RBFOX3: variants seen among roughly 807,000 people sequenced by gnomAD.
RBFOX3 encodes RNA binding protein fox-1 homolog 3.
A neutral mutation model predicts 48.7 loss-of-function variants in RBFOX3; 17 were observed. The ratio of observed to expected loss-of-function variants is 0.35; its 90% CI spans 0.24 to 0.52. RBFOX3 has a LOEUF of 0.52. Among genes scored for constraint, RBFOX3 ranks in the 20% least tolerant of loss-of-function variants. The pLI is 0.94. For synonymous variants in RBFOX3, 212 were observed against 209.5 expected, an observed-to-expected ratio of 1.01 and a Z score of -0.10; for missense variants, 382 against 497.5, an observed-to-expected ratio of 0.77 and a Z score of 2.21.
At chr17:79,441,578 C>T (rs1438799131) in intron 2 of RBFOX3, among the ~76,000 whole-genome samples, 2 of 152,194 alleles carry the variant, frequency 1.3e-5, no homozygotes, top group African/African-American at 4.8e-5. Context: ...GACAGATTTT[C>T]CCTCCAAGCC....
At chr17:79,369,368 C>T (rs906219910) in intron 2 of RBFOX3, among the ~76,000 whole-genome samples, 5 of 152,240 alleles carry the variant, frequency 3.3e-5, no homozygotes, top group African/African-American at 1.2e-4. Context: ...AGGGGTTGCC[C>T]TGGACCCTGA....
At position 79,199,499 on chromosome 17, in the gene RBFOX3, T is replaced by C. The variant is rs950616457; in HGVS notation, c.-34+36267A>G. ...GAGGAAGAGGAGAAGGCCAGCCATC[T>C]GGATGGCCTGAACCCAGTCACTGAC... On this transcript the variant is annotated intron_variant, in intron 4 of 14. Transcript: ENST00000693108. The surrounding 1 kb of genome is among the most constrained non-coding windows in gnomAD (Gnocchi z 5.1). Among the ~76,000 whole-genome samples the C allele has an allele frequency of 1.3e-5, 2 of 152,322 alleles. No individual in the cohort carries two copies. Among genetic ancestry groups the C allele is most frequent in the African/African-American group, 2.4e-5 (1 of 41,580 alleles).
intron 2 of RBFOX3, among the ~76,000 whole-genome samples, chr17:79,357,547 C>G (rs903458036): frequency 2.0e-5 from 3 of 152,158 alleles, no homozygotes; most frequent in Non-Finnish European, 4.4e-5. Flanking sequence ...AGGAGGATCA[C>G]TTGAACCCAG....
chr17:79,308,156 C>T (rs1012790218), intron 2 of RBFOX3, among the ~76,000 whole-genome samples: 14 of 152,100 alleles, frequency 9.2e-5, no homozygotes, highest in African/African-American at 2.2e-4. Context: ...TTTGGACTGA[C>T]GGGGGAATGG....
At chr17:79,415,247 T>C (rs148003399) in intron 2 of RBFOX3, among the ~76,000 whole-genome samples, 112 of 152,166 alleles carry the variant, frequency 7.4e-4, no homozygotes, top group African/African-American at 2.6e-3. Context: ...CCCAGATGAG[T>C]TCCAAAGAGC....
intron 1 of RBFOX3, among the ~76,000 whole-genome samples, chr17:79,560,837 C>T (rs1384475653): frequency 2.0e-5 from 3 of 152,206 alleles, no homozygotes; most frequent in African/African-American, 4.8e-5. Flanking sequence ...ACTTCACCTG[C>T]GTCCTCTCCT....
At chr17:79,643,231 G>A in the RBFOX3 span, among the ~76,000 whole-genome samples, 5 of 152,134 alleles carry the variant, frequency 3.3e-5, no homozygotes, top group African/African-American at 7.2e-5. Context: ...GTAACATCAC[G>A]TAATATTAAA....
Position 79,095,563 on chromosome 17 carries a change from T to C in RBFOX3, c.948A>G (p.Ala316=). ...FYGAEIYGGY[A]AYRYAQPAAA... ...CAGCGGGCTGAGCGTATCTGTAGGC[T>C]GCGTAGCCTCCCTGCAGGGTAAGTG... The change falls in exon 13 of 15, where the codon GCA becomes GCG. Residue 316 remains alanine (A), a synonymous_variant. Transcript: ENST00000693108. 1 of 1,551,296 alleles carries C rather than the reference T, an allele frequency of 6.4e-7. No homozygotes were observed. Among genetic ancestry groups the C allele is most frequent in the Non-Finnish European group, 8.7e-7 (1 of 1,146,728 alleles).
chr17:79,108,568 G>A (rs186845916), intron 5 of RBFOX3, among the ~76,000 whole-genome samples: 1 of 152,240 alleles, frequency 6.6e-6, no homozygotes, highest in Admixed American at 6.5e-5. Flanking sequence ...GGGAGGCAGA[G>A]CCGTGCCAAG....
At chr17:79,660,270 G>A in the RBFOX3 span, among the ~76,000 whole-genome samples, 10 of 152,146 alleles carry the variant, frequency 6.6e-5, no homozygotes, top group East Asian at 5.8e-4. Flanking sequence ...CAAAAACACC[G>A]AAAGCAATCG....
At chr17:79,326,242 G>A (rs747132496) in intron 2 of RBFOX3, among the ~76,000 whole-genome samples, 3 of 152,140 alleles carry the variant, frequency 2.0e-5, no homozygotes, top group Non-Finnish European at 2.9e-5. Context: ...ACTTCCTAGC[G>A]TCTCCCGTCA....
At chr17:79,532,756 T>C (rs1475433036) in intron 1 of RBFOX3, among the ~76,000 whole-genome samples, 7 of 152,242 alleles carry the variant, frequency 4.6e-5, no homozygotes, top group African/African-American at 1.4e-4. Flanking sequence ...ACTAGAATCC[T>C]GGGACACAAG....
chr17:79,369,667 C>T (rs192210679), intron 2 of RBFOX3, among the ~76,000 whole-genome samples: 4 of 152,242 alleles, frequency 2.6e-5, no homozygotes, highest in Admixed American at 1.3e-4. Context: ...TGGGAGCCCA[C>T]GTGTGTCTCC....
chr17:79,163,645 G>A (rs549873709), intron 4 of RBFOX3, among the ~76,000 whole-genome samples: 3 of 152,150 alleles, frequency 2.0e-5, no homozygotes, highest in South Asian at 4.2e-4. Context: ...CCAGCACTGG[G>A]TGCAGAGCTG....
At chr17:79,525,145 G>A (rs1189377869) in intron 1 of RBFOX3, among the ~76,000 whole-genome samples, 1 of 152,190 alleles carries the variant, frequency 6.6e-6, no homozygotes, top group African/African-American at 2.4e-5. Flanking sequence ...GGGTGGGAGA[G>A]TTCATTCCTA....
intron 2 of RBFOX3, among the ~76,000 whole-genome samples, chr17:79,448,275 A>C (rs1555739467): frequency 1.3e-5 from 2 of 152,188 alleles, no homozygotes; most frequent in African/African-American, 4.8e-5. Context: ...TGGACACTGT[A>C]GTAGGTTAAA....
intron 1 of RBFOX3, among the ~76,000 whole-genome samples, chr17:79,504,486 G>C (rs1401363829): frequency 6.6e-6 from 1 of 152,212 alleles, no homozygotes; most frequent in Non-Finnish European, 1.5e-5. Context: ...CAGTTCCCTA[G>C]TTGAAGTCAA....
At chr17:79,187,274 G>A (rs577821185) in intron 4 of RBFOX3, among the ~76,000 whole-genome samples, 2 of 152,306 alleles carry the variant, frequency 1.3e-5, no homozygotes, top group Middle Eastern at 3.4e-3. Context: ...AGGGGAGGAA[G>A]GGAGGTGAAT....
rs537076901 is a variant in RBFOX3 at position 79,290,868 on chromosome 17, CT to C, written c.-74+16855del. The stretch of plus-strand genomic sequence containing the variant: ...CCCTGGCCACTCTGCCCTTGACACC[CT>C]GGCTGCGTTCTCCCAGAAATAGCTG... On this transcript the variant is annotated intron_variant, in intron 3 of 14. Coordinates refer to ENST00000693108, the MANE Select transcript of RBFOX3 (RefSeq NM_001350451.2). Among the ~76,000 whole-genome samples, 4 of 152,340 alleles carry C rather than the reference CT, an allele frequency of 2.6e-5. No homozygotes were observed. The South Asian group carries it at 8.3e-4, about 32-fold the overall frequency.
Sources: allele counts gnomAD v4.1 joint callset (sites outside exome capture counted in the v4.1 genomes callset), GRCh38; gene constraint gnomAD v4.1.1; non-coding constraint Gnocchi (gnomAD v3.1); transcripts MANE v1.5; gene names NCBI Gene and HGNC (gene_info 2026-07-23, HGNC 2026-07-21).